Variants in IQCJ observed in about 807,000 individuals in gnomAD.
The protein encoded by IQCJ is IQ motif containing J.
A neutral mutation model predicts 11.0 loss-of-function variants in IQCJ; 9 were observed. The observed-to-expected ratio is 0.82, with a 90% CI of 0.49 to 1.43. The LOEUF is 1.43. IQCJ is among the 40% of genes most tolerant of loss of function. The probability of loss-of-function intolerance (pLI) is 0.00; values close to 1 mark genes in which losing one functional copy is unlikely to be tolerated. For synonymous variants in IQCJ, 55 were observed against 51.3 expected (o/e 1.07, Z -0.31); for missense variants, 146 against 133.2 (o/e 1.10, Z -0.47).
At position 159,262,564 on chromosome 3, in the gene IQCJ, C is replaced by T. The variant is rs779215402; in HGVS notation, c.172C>T (p.Arg58Ter). 17 of 1,613,336 alleles carry T rather than the reference C, an allele frequency of 1.1e-5. No homozygotes were observed. The highest frequency in any genetic ancestry group is 2.2e-5 in the East Asian group (1 of 44,894). Reference protein sequence around the residue: ...SKVKIIQRAWREYLQRQEPLG... With the variant: ...SKVKIIQRAW ...TTTTTTCAGCATTCAGCGAGCATGG[C>T]GAGAGTACCTGCAGCGGCAGGAGCC... is the stretch of plus-strand genomic sequence containing the variant. The change falls in exon 4 of 4, where the codon CGA becomes TGA. Residue 58 changes from arginine (R) to a stop codon, truncating the protein, a stop_gained. Transcript: ENST00000397832. LOFTEE classifies it high-confidence loss of function.
chr3:159,200,948 A>T (rs1465465925), intron 1 of IQCJ, among the ~76,000 whole-genome samples: 1 of 152,140 alleles, frequency 6.6e-6, no homozygotes, highest in East Asian at 1.9e-4. Context: ...GAAATATAGG[A>T]AATTCTGTGT....
At chr3:159,187,098 C>T (rs1029461390) in intron 1 of IQCJ, among the ~76,000 whole-genome samples, 1 of 152,188 alleles carries the variant, frequency 6.6e-6, no homozygotes, top group Non-Finnish European at 1.5e-5. Context: ...ATCTAGATAA[C>T]GTATTCTACA....
At chr3:159,185,425 G>A (rs576001574) in intron 1 of IQCJ, among the ~76,000 whole-genome samples, 4 of 152,230 alleles carry the variant, frequency 2.6e-5, no homozygotes, top group African/African-American at 9.6e-5. Context: ...AGGATAGAAA[G>A]GATCCTGAGT....
At chr3:159,090,532 A>G (rs922419824) in intron 1 of IQCJ, among the ~76,000 whole-genome samples, 3 of 151,778 alleles carry the variant, frequency 2.0e-5, no homozygotes, top group Non-Finnish European at 4.4e-5. Context: ...AGGTCTATTC[A>G]TGGAGTCAGT....
rs144809981 is a variant in IQCJ, at chr3:159,117,307, G to A, written c.9+47866G>A. 5.2e-4 allele frequency among the ~76,000 whole-genome samples: 79 copies of A among 152,250 alleles called. No individual in the cohort carries two copies. The East Asian group carries it at 0.012, about 23-fold the overall frequency. ...GCTGGAGATGGCTTAGGAGGAAGCC[G>A]GGCAACTACTAGTTGTGATGGTATG... On this transcript the variant is annotated intron_variant, in intron 1 of 3. Transcript: ENST00000397832.
At chr3:159,070,144 A>T (rs1715465741) in intron 1 of IQCJ, 1 of 162,460 alleles carries the variant, frequency 6.2e-6, no homozygotes. Flanking sequence ...AAATCCTTCT[A>T]TGTTTTCTGG....
At chr3:159,116,173 G>T (rs934993097) in intron 1 of IQCJ, among the ~76,000 whole-genome samples, 1 of 152,118 alleles carries the variant, frequency 6.6e-6, no homozygotes, top group African/African-American at 2.4e-5. Flanking sequence ...AGGTCAGGTT[G>T]TAGTAAGCCA....
Position 159,262,594 on chromosome 3 carries a change from G to C in IQCJ, c.202G>C (p.Gly68Arg), listed in dbSNP as rs780040850. The change falls in exon 4 of 4, where the codon GGG becomes CGG. Residue 68 changes from glycine to arginine, a missense_variant. Coordinates refer to ENST00000397832, the MANE Select transcript of IQCJ (RefSeq NM_001042706.3). ...REYLQRQEPLGKRSPSPPSVS... is the reference protein window; with the variant it reads ...REYLQRQEPLRKRSPSPPSVS... ...GTACCTGCAGCGGCAGGAGCCCCTG[G>C]GGAAGAGGAGCCCGTCCCCACCCTC... The C allele has an allele frequency of 6.2e-7, 1 of 1,613,914 alleles. No homozygotes were observed.
At chr3:159,180,367 G>A (rs1723025317) in intron 1 of IQCJ, among the ~76,000 whole-genome samples, 2 of 151,414 alleles carry the variant, frequency 1.3e-5, no homozygotes, top group Admixed American at 1.3e-4. Flanking sequence ...TAGGCAAATA[G>A]TATAATTAAT....
intron 1 of IQCJ, among the ~76,000 whole-genome samples, chr3:159,165,788 ATTT>A (rs35878681): frequency 4.7e-5 from 5 of 106,484 alleles, no homozygotes; most frequent in African/African-American, 1.1e-4. Context: ...TAATTTTTGT[ATTT>A]TTTTTTTTTT....
intron 1 of IQCJ, among the ~76,000 whole-genome samples, chr3:159,095,297 G>A (rs1338403150): frequency 6.6e-6 from 1 of 151,726 alleles, no homozygotes; most frequent in Non-Finnish European, 1.5e-5. Flanking sequence ...CTGTATGCTT[G>A]ATAGAGGAGC....
intron 2 of IQCJ, among the ~76,000 whole-genome samples, chr3:159,249,291 T>C (rs1407595877): frequency 6.6e-6 from 1 of 152,216 alleles, no homozygotes; most frequent in East Asian, 1.9e-4. Context: ...TGAAAATTAA[T>C]GGTATATACG....
At chr3:159,120,856 C>T (rs60275438) in intron 1 of IQCJ, among the ~76,000 whole-genome samples, 2,618 of 152,320 alleles carry the variant, frequency 0.017, 65 homozygotes, top group African/African-American at 0.06. Flanking sequence ...ACCCAAGCTC[C>T]TTCTAGCTCC....
At chr3:159,171,769 G>A (rs550931956) in intron 1 of IQCJ, among the ~76,000 whole-genome samples, 15 of 152,320 alleles carry the variant, frequency 9.8e-5, no homozygotes, top group South Asian at 2.1e-4. Context: ...TCAGACTTGG[G>A]TGTGAATGAG....
chr3:159,201,666 G>A (rs1229651343), intron 1 of IQCJ, among the ~76,000 whole-genome samples: 1 of 116,976 alleles, frequency 8.5e-6, no homozygotes, highest in South Asian at 2.9e-4. Context: ...ACGGAGTCTC[G>A]CTCTGTCGCC....
chr3:159,241,277 T>TGG (rs942248568), intron 1 of IQCJ, among the ~76,000 whole-genome samples: 5 of 151,606 alleles, frequency 3.3e-5, no homozygotes, highest in African/African-American at 1.2e-4. Flanking sequence ...GGTATGGTGG[T>TGG]GGGTGCCTGT....
intron 1 of IQCJ, among the ~76,000 whole-genome samples, chr3:159,093,993 G>A (rs573873669): frequency 3.3e-5 from 5 of 151,932 alleles, no homozygotes; most frequent in Middle Eastern, 6.8e-3. Flanking sequence ...AATCATATCA[G>A]CCAGTAAGAA....
Position 159,091,669 on chromosome 3 carries a change from CGCAT to C in IQCJ, c.9+22232_9+22235del, listed in dbSNP as rs1359804210. On this transcript the variant is annotated intron_variant, in intron 1 of 3. Coordinates refer to ENST00000397832, the MANE Select transcript of IQCJ (RefSeq NM_001042706.3). ...ATTTACACACACACACACACACACACGCATGCACACACACACACACACACACACA... is the reference window on the plus strand; with the variant it reads ...ATTTACACACACACACACACACACACGCACACACACACACACACACACACA... 8.5e-3 allele frequency among the ~76,000 whole-genome samples: 233 copies of C among 27,400 alleles called. 6 individuals carry two copies. Among genetic ancestry groups the C allele is most frequent in the African/African-American group, 0.03 (216 of 7,264 alleles). The allele number at this position is 27,400 out of a possible 152,430, so 18.0% of individuals were successfully genotyped here. A position where few individuals can be genotyped will look rare whatever the true frequency, so the allele number is the denominator to read the frequency against.
intron 1 of IQCJ, among the ~76,000 whole-genome samples, chr3:159,166,640 T>A (rs1185862866): frequency 4.6e-5 from 7 of 152,200 alleles, no homozygotes; most frequent in African/African-American, 1.7e-4. Context: ...AGTGCAGCAG[T>A]GTGCATTCGG....
Sources: gnomAD v4.1 joint callset for allele counts (sites outside exome capture counted in the v4.1 genomes callset) on GRCh38, gnomAD v4.1.1 for gene constraint, MANE v1.5 for transcripts, NCBI Gene and HGNC (gene_info 2026-07-23, HGNC 2026-07-21) for gene names.